The following DENND2B variants were observed in gnomAD, a reference collection of about 807,000 sequenced individuals.
The protein encoded by DENND2B is DENN domain containing 2B.
In DENND2B, 32 loss-of-function variants were observed where a neutral mutation model predicts 116.0. That is an observed-to-expected ratio of 0.28 (90% CI 0.21 to 0.37). The LOEUF is 0.37. DENND2B is among the 10% of genes least tolerant of loss of function. The pLI, the probability that DENND2B is intolerant of heterozygous loss-of-function variation, is 1.00. For synonymous variants in DENND2B, 588 were observed against 583.9 expected, an observed-to-expected ratio of 1.01 and a Z score of -0.10; for missense variants, 1,276 against 1,477.7, an observed-to-expected ratio of 0.86 and a Z score of 2.24.
chr11:8,847,699 G>C (rs189285679), intron 3 of DENND2B, among the ~76,000 whole-genome samples: 1 of 152,102 alleles, frequency 6.6e-6, no homozygotes, highest in Non-Finnish European at 1.5e-5. Context: ...AACAGACTAC[G>C]CAAGTGCTGG....
rs527487214 is a variant in DENND2B, at chr11:8,900,325, A to T, written c.-256+10496T>A. The stretch of plus-strand genomic sequence containing the variant: ...GTGGTGCCTGTAGTCCCAGCTACTC[A>T]GGAGGCTGAGGCAGGAGAATGACAT... On this transcript the variant is annotated intron_variant, in intron 1 of 22. Coordinates refer to the DENND2B transcript ENST00000534127. Among the ~76,000 whole-genome samples, 59 of 151,306 alleles carry T rather than the reference A, an allele frequency of 3.9e-4. No homozygotes were observed. The Middle Eastern group carries it at 0.014, about 35-fold the overall frequency.
chr11:8,852,361 T>A (rs554756366), intron 3 of DENND2B, among the ~76,000 whole-genome samples: 1 of 152,248 alleles, frequency 6.6e-6, no homozygotes, highest in South Asian at 2.1e-4. Context: ...ACAGGCCAGG[T>A]TCAGTGGCCT....
At chr11:8,804,117 T>C (rs780482594) in intron 1 of DENND2B, among the ~76,000 whole-genome samples, 36 of 152,216 alleles carry the variant, frequency 2.4e-4, no homozygotes, top group Non-Finnish European at 4.7e-4. Flanking sequence ...TGACAAGGAC[T>C]ACCTCAGACT....
chr11:8,893,073 G>A (rs977424635), intron 1 of DENND2B, among the ~76,000 whole-genome samples: 5 of 152,096 alleles, frequency 3.3e-5, no homozygotes, highest in Admixed American at 1.3e-4. Flanking sequence ...TTCATCCCTG[G>A]GATGCAAGGC....
intron 1 of DENND2B, among the ~76,000 whole-genome samples, chr11:8,906,518 A>C (rs2064240954): frequency 6.6e-6 from 1 of 151,876 alleles, no homozygotes. Flanking sequence ...TCAAAAAAAA[A>C]AAAAAAAAAA....
At chr11:8,859,794 C>T (rs2134673870) in intron 2 of DENND2B, among the ~76,000 whole-genome samples, 1 of 152,308 alleles carries the variant, frequency 6.6e-6, no homozygotes, top group African/African-American at 2.4e-5. Context: ...TTGGCAGAGA[C>T]AGGCATGCTG....
At position 8,702,831 on chromosome 11, in the gene DENND2B, G is replaced by T; in HGVS notation, c.2572-111C>A. On this transcript the variant is annotated intron_variant, in intron 13 of 19. Coordinates refer to ENST00000313726, the MANE Select transcript of DENND2B (RefSeq NM_213618.2). The surrounding 1 kb of genome is among the most constrained non-coding windows in gnomAD (Gnocchi z 4.6). ...TCCCCTTCCAACCTGCTCTTTTCCAGGTCTCTCGTCTACCCTGCTATGCAG... is the reference window on the plus strand; with the variant it reads ...TCCCCTTCCAACCTGCTCTTTTCCATGTCTCTCGTCTACCCTGCTATGCAG... 7.3e-7 allele frequency: 1 copy of T among 1,376,876 alleles called. No individual in the cohort carries two copies. The highest frequency in any genetic ancestry group is 9.9e-7 in the Non-Finnish European group (1 of 1,010,550). 85.3% of individuals were successfully genotyped at this position (1,376,876 alleles called of 1,614,324 possible). A position where few individuals can be genotyped will look rare whatever the true frequency, so the allele number is the denominator to read the frequency against.
chr11:8,850,116 C>T (rs549018777), intron 3 of DENND2B, among the ~76,000 whole-genome samples: 6 of 152,176 alleles, frequency 3.9e-5, no homozygotes, highest in African/African-American at 1.4e-4. Context: ...GCTTGGAGGA[C>T]AGAGGGATAC....
At chr11:8,880,753 C>A (rs1318701748) in intron 2 of DENND2B, among the ~76,000 whole-genome samples, 1 of 152,180 alleles carries the variant, frequency 6.6e-6, no homozygotes, top group Non-Finnish European at 1.5e-5. Flanking sequence ...CCTCCTAATA[C>A]TGAATACTGC....
In DENND2B at chr11:8,715,672, G is replaced by A; in HGVS notation, c.1776C>T (p.Ser592=). 1 of 1,614,216 alleles carries A rather than the reference G, an allele frequency of 6.2e-7. No individual in the cohort carries two copies. The highest frequency in any genetic ancestry group is 8.5e-7 in the Non-Finnish European group (1 of 1,180,036). ...AQLSLPSSPS[S]LNEDSLSTTS... is the part of the protein sequence containing the mutation. ...TGGTGCTGAGGCTGTCTTCATTGAG[G>A]CTGGAGGGTGAGGACGGCAGACTCA... Residue 592 remains serine (S), a synonymous_variant, in exon 6 of 20, where the codon AGC becomes AGT. Transcript: ENST00000313726.
At chr11:8,829,621 G>A (rs1229076918) in intron 4 of DENND2B, among the ~76,000 whole-genome samples, 3 of 152,136 alleles carry the variant, frequency 2.0e-5, no homozygotes, top group Non-Finnish European at 4.4e-5. Context: ...AGCTCTCAGA[G>A]ATTGGTTTAT....
At chr11:8,749,342 C>T (rs1593123005) in intron 2 of DENND2B, among the ~76,000 whole-genome samples, 1 of 152,326 alleles carries the variant, frequency 6.6e-6, no homozygotes, top group Non-Finnish European at 1.5e-5. Context: ...GCCACCAAGC[C>T]CAGTCTAAAT....
chr11:8,902,581 A>C (rs2064183799), intron 1 of DENND2B, among the ~76,000 whole-genome samples: 1 of 152,166 alleles, frequency 6.6e-6, no homozygotes, highest in Non-Finnish European at 1.5e-5. Flanking sequence ...TTACTTCAGC[A>C]ATCTTTTTTT....
At chr11:8,764,942 CAAAA>C (rs35421038) in intron 1 of DENND2B, among the ~76,000 whole-genome samples, 2 of 100,288 alleles carry the variant, frequency 2.0e-5, no homozygotes, top group Admixed American at 1.3e-4. Context: ...GAGACTGTCT[CAAAA>C]AAAAAAAAAA....
At chr11:8,790,614 T>A (rs1359458985) in intron 1 of DENND2B, among the ~76,000 whole-genome samples, 1 of 152,052 alleles carries the variant, frequency 6.6e-6, no homozygotes, top group Non-Finnish European at 1.5e-5. Context: ...ACAAAATTTT[T>A]AAAAATTAGC....
chr11:8,704,750 T>A (rs916764444), intron 13 of DENND2B, among the ~76,000 whole-genome samples: 1 of 152,118 alleles, frequency 6.6e-6, no homozygotes, highest in Non-Finnish European at 1.5e-5. Flanking sequence ...CAGGCTGGAG[T>A]GCAGTGGCGC....
At chr11:8,724,127 C>T (rs1327572828) in intron 4 of DENND2B, among the ~76,000 whole-genome samples, 2 of 152,128 alleles carry the variant, frequency 1.3e-5, no homozygotes, top group Non-Finnish European at 2.9e-5. Flanking sequence ...AACCCTGTCT[C>T]TACTAAAAAT....
chr11:8,756,261 T>C (rs2053592296), intron 1 of DENND2B, among the ~76,000 whole-genome samples: 1 of 152,108 alleles, frequency 6.6e-6, no homozygotes, highest in Admixed American at 6.5e-5. Flanking sequence ...TTCAGGAGGG[T>C]AGACTCACTG....
In DENND2B at chr11:8,715,826, G is replaced by T. The variant is rs781359483; in HGVS notation, c.1630-8C>A. On this transcript the variant is annotated splice_polypyrimidine_tract_variant and splice_region_variant and intron_variant, in intron 5 of 19. Transcript: ENST00000313726. ...GTTGGGTTTCAGGGAAAGCTGGCGTGGGGGAGAGGACGTGCGAGAGGGGCT... is the reference window on the plus strand; with the variant it reads ...GTTGGGTTTCAGGGAAAGCTGGCGTTGGGGAGAGGACGTGCGAGAGGGGCT... 7.5e-6 allele frequency: 12 copies of T among 1,592,006 alleles called. No homozygotes were observed. The highest frequency in any genetic ancestry group is 5.1e-5 in the Admixed American group (3 of 59,348).
Sources: gnomAD v4.1 joint callset for allele counts (sites outside exome capture counted in the v4.1 genomes callset) on GRCh38, gnomAD v4.1.1 for gene constraint, Gnocchi (gnomAD v3.1) non-coding constraint, MANE v1.5 for transcripts, NCBI Gene and HGNC (gene_info 2026-07-23, HGNC 2026-07-21) for gene names.